BMP6: variants seen among roughly 807,000 people sequenced by gnomAD.
The protein encoded by BMP6 is VG-1-R.
Under a neutral mutation model 54.1 loss-of-function variants are expected in BMP6, and 17 were observed. That is an observed-to-expected ratio of 0.31 (90% CI 0.22 to 0.47). The LOEUF is 0.47. Ranked by LOEUF, BMP6 falls within the 20% of genes least tolerant of loss-of-function variation. The probability of loss-of-function intolerance (pLI) is 1.00; values close to 1 mark genes in which losing one functional copy is unlikely to be tolerated. For synonymous variants in BMP6, 328 were observed against 291.2 expected (o/e 1.13, Z -1.28); for missense variants, 720 against 690.4 (o/e 1.04, Z -0.48).
intron 1 of BMP6, among the ~76,000 whole-genome samples, chr6:7,822,951 G>A (rs1002029948): frequency 1.3e-5 from 2 of 148,584 alleles, no homozygotes; most frequent in African/African-American, 2.5e-5. Context: ...GTACACACTG[G>A]TAAATAGGGC....
At chr6:7,844,863 A>G (rs1759035862) in intron 1 of BMP6, among the ~76,000 whole-genome samples, 1 of 152,240 alleles carries the variant, frequency 6.6e-6, no homozygotes, top group South Asian at 2.1e-4. Flanking sequence ...AAGAGTTTTC[A>G]TAACTTGCTC....
intron 2 of BMP6, among the ~76,000 whole-genome samples, chr6:7,854,584 G>T (rs576320342): frequency 6.6e-6 from 1 of 152,188 alleles, no homozygotes; most frequent in African/African-American, 2.4e-5. Context: ...GTCATTTGAG[G>T]TCGGAAGCTT....
rs766946392 is a variant in BMP6, at chr6:7,845,351, G to A, written c.857+19G>A. On this transcript the variant is annotated intron_variant, in intron 2 of 6. Coordinates refer to ENST00000283147, the MANE Select transcript of BMP6 (RefSeq NM_001718.6). ...AGCACAGGTATGAAGGCTCGAGAAAGCCCCAAAGGTGGGGCTGGCCCCTGT... is the reference window on the plus strand; with the variant it reads ...AGCACAGGTATGAAGGCTCGAGAAAACCCCAAAGGTGGGGCTGGCCCCTGT... The A allele has an allele frequency of 1.3e-5, 21 of 1,598,206 alleles. No individual in the cohort carries two copies. In the African/African-American group the frequency reaches 1.7e-4, roughly 13 times the overall value.
intron 1 of BMP6, among the ~76,000 whole-genome samples, chr6:7,751,881 C>T (rs1260220128): frequency 6.6e-6 from 1 of 152,192 alleles, no homozygotes; most frequent in Non-Finnish European, 1.5e-5. Context: ...GATGCAGAAT[C>T]TCAGAAGTTA....
At chr6:7,839,666 T>A (rs1758934342) in intron 1 of BMP6, among the ~76,000 whole-genome samples, 1 of 152,218 alleles carries the variant, frequency 6.6e-6, no homozygotes, top group South Asian at 2.1e-4. Context: ...TGAAGAGTAT[T>A]CCATCATAGG....
chr6:7,814,809 G>C (rs890120962), intron 1 of BMP6, among the ~76,000 whole-genome samples: 6 of 151,988 alleles, frequency 3.9e-5, no homozygotes, highest in Non-Finnish European at 7.4e-5. Flanking sequence ...ATCACATACC[G>C]GGGCCTGTCG....
At chr6:7,865,143 A>G (rs553750783) in intron 4 of BMP6, among the ~76,000 whole-genome samples, 1 of 152,220 alleles carries the variant, frequency 6.6e-6, no homozygotes, top group Non-Finnish European at 1.5e-5. Flanking sequence ...TGATTTTAGC[A>G]ATATCAACCA....
chr6:7,736,785 C>T (rs1761961744), intron 1 of BMP6, among the ~76,000 whole-genome samples: 1 of 152,200 alleles, frequency 6.6e-6, no homozygotes. Context: ...CTCTCCATCT[C>T]TCTTCACGTC....
chr6:7,733,451 G>A (rs1383098000), intron 1 of BMP6, among the ~76,000 whole-genome samples: 1 of 152,164 alleles, frequency 6.6e-6, no homozygotes. Context: ...GATAGGAATA[G>A]ACAATTTACC....
chr6:7,824,940 G>A (rs1444300462), intron 1 of BMP6, among the ~76,000 whole-genome samples: 1 of 152,204 alleles, frequency 6.6e-6, no homozygotes, highest in Non-Finnish European at 1.5e-5. Context: ...CTGGCTTATT[G>A]TCGATGAAAC....
intron 1 of BMP6, among the ~76,000 whole-genome samples, chr6:7,746,900 C>T (rs1390294615): frequency 6.6e-6 from 1 of 152,186 alleles, no homozygotes; most frequent in African/African-American, 2.4e-5. Flanking sequence ...CTTCATTTTC[C>T]ACCTGGTTTG....
rs1263686203 is a variant in BMP6, at chr6:7,789,668, G to A, written c.665-55472G>A. Among the ~76,000 whole-genome samples the A allele has an allele frequency of 2.0e-5, 3 of 152,162 alleles. No homozygotes were observed. In the East Asian group the frequency reaches 5.8e-4, roughly 29 times the overall value. On this transcript the variant is annotated intron_variant, in intron 1 of 6. Transcript: ENST00000283147. ...TTGCTCCCAAGCAGCCAGTTCCAAA[G>A]TGTCTTGACGGCTTCCTTTCTGGAA...
At chr6:7,773,966 G>T (rs962185932) in intron 1 of BMP6, among the ~76,000 whole-genome samples, 2 of 152,206 alleles carry the variant, frequency 1.3e-5, no homozygotes, top group Non-Finnish European at 2.9e-5. Context: ...AGGGCCAGGA[G>T]CCCTGAACAT....
At chr6:7,801,471 A>C (rs1031723073) in intron 1 of BMP6, among the ~76,000 whole-genome samples, 1 of 152,212 alleles carries the variant, frequency 6.6e-6, no homozygotes. Flanking sequence ...TCTGGTCAAC[A>C]TTGAGCTCTG....
At chr6:7,877,729 C>T (rs1759644149) in intron 4 of BMP6, among the ~76,000 whole-genome samples, 1 of 152,146 alleles carries the variant, frequency 6.6e-6, no homozygotes, top group South Asian at 2.1e-4. Context: ...AGGCTTTCAA[C>T]AATTAGGTGA....
chr6:7,852,507 G>T (rs1446141897), intron 2 of BMP6, among the ~76,000 whole-genome samples: 1 of 152,252 alleles, frequency 6.6e-6, no homozygotes, highest in African/African-American at 2.4e-5. Context: ...AGCCTGGGAG[G>T]TTGAGGCTGC....
At chr6:7,837,023 A>G (rs559148845) in intron 1 of BMP6, among the ~76,000 whole-genome samples, 15 of 152,242 alleles carry the variant, frequency 9.9e-5, no homozygotes, top group Non-Finnish European at 2.1e-4. Flanking sequence ...TGTAAATGGA[A>G]ACGTGAAATA....
rs546501056 is a variant in BMP6, at chr6:7,865,719, G to A, written c.1204+3221G>A. 1.5e-3 allele frequency among the ~76,000 whole-genome samples: 235 copies of A among 152,234 alleles called. 1 individual carries two copies. Among genetic ancestry groups the A allele is most frequent in the Non-Finnish European group, 2.9e-3 (197 of 68,024 alleles). ...AGTGGTGTACTCTGGCGTGACTGCA[G>A]GCAGACTTTCTGCTTGTAAATCTTT... On this transcript the variant is annotated intron_variant, in intron 4 of 6. Transcript: ENST00000283147.
intron 1 of BMP6, among the ~76,000 whole-genome samples, chr6:7,746,195 A>G (rs1482082993): frequency 6.6e-6 from 1 of 152,188 alleles, no homozygotes; most frequent in Non-Finnish European, 1.5e-5. Flanking sequence ...GTGAGTGGCT[A>G]CTGGTGCTGG....
Sources: allele counts gnomAD v4.1 joint callset (sites outside exome capture counted in the v4.1 genomes callset), GRCh38; gene constraint gnomAD v4.1.1; transcripts MANE v1.5; gene names NCBI Gene and HGNC (gene_info 2026-07-23, HGNC 2026-07-21).